The following CACNA2D3 variants were observed in gnomAD, a reference collection of about 807,000 sequenced individuals.
The protein encoded by CACNA2D3 is voltage-dependent calcium channel subunit alpha-2/delta-3.
CACNA2D3 carries 60 observed loss-of-function variants against 160.6 expected under a neutral mutation model. That is an observed-to-expected ratio of 0.37 (90% CI 0.30 to 0.46). The LOEUF (loss-of-function observed/expected upper bound fraction) is 0.46. Ranked by LOEUF, CACNA2D3 falls within the 20% of genes least tolerant of loss-of-function variation. The pLI, the probability that CACNA2D3 is intolerant of heterozygous loss-of-function variation, is 1.00. For missense variants in CACNA2D3, 1,205 were observed against 1,365.0 expected, an observed-to-expected ratio of 0.88 and a Z score of 1.85; for synonymous variants, 558 against 492.9, an observed-to-expected ratio of 1.13 and a Z score of -1.75.
chr3:54,527,116 A>G (rs1701735775), intron 5 of CACNA2D3, among the ~76,000 whole-genome samples: 1 of 152,208 alleles, frequency 6.6e-6, no homozygotes, highest in African/African-American at 2.4e-5. Flanking sequence ...CAAGGCCAGT[A>G]TTTGAGATAT....
intron 2 of CACNA2D3, among the ~76,000 whole-genome samples, chr3:54,302,191 C>CT (rs1188852703): frequency 1.3e-5 from 2 of 152,150 alleles, no homozygotes; most frequent in African/African-American, 4.8e-5. Context: ...CTGGTAAAAT[C>CT]TTTCAGTCAA....
intron 34 of CACNA2D3, among the ~76,000 whole-genome samples, chr3:55,013,313 G>C (rs1194624568): frequency 6.6e-6 from 1 of 152,204 alleles, no homozygotes; most frequent in Non-Finnish European, 1.5e-5. Context: ...CTCAGCTAAT[G>C]ACGACAGCGA....
At chr3:54,469,325 T>C (rs543645742) in intron 4 of CACNA2D3, among the ~76,000 whole-genome samples, 11,488 of 152,174 alleles carry the variant, frequency 0.075, 943 homozygotes, top group African/African-American at 0.2. Context: ...AGCAGACCTT[T>C]TGCAGAGGGA....
At chr3:54,480,123 C>G (rs1289570050) in intron 4 of CACNA2D3, among the ~76,000 whole-genome samples, 1 of 152,012 alleles carries the variant, frequency 6.6e-6, no homozygotes, top group Non-Finnish European at 1.5e-5. Flanking sequence ...GCAGGAGGCT[C>G]AATTGAGCCC....
At chr3:55,015,770 G>C (rs549591731) in intron 34 of CACNA2D3, among the ~76,000 whole-genome samples, 1 of 152,046 alleles carries the variant, frequency 6.6e-6, no homozygotes, top group Non-Finnish European at 1.5e-5. Context: ...GGAGAGGAGA[G>C]CAAATGAGAG....
rs563159132 is a variant in CACNA2D3 at position 54,247,834 on chromosome 3, A to T, written c.205-72608A>T. ...TGACCCACAATGCCCAACACCCAAGACATACTCCAGTCTTGTCTCATATCT... is the reference window on the plus strand; with the variant it reads ...TGACCCACAATGCCCAACACCCAAGTCATACTCCAGTCTTGTCTCATATCT... On this transcript the variant is annotated intron_variant, in intron 2 of 37. Coordinates refer to ENST00000474759, the MANE Select transcript of CACNA2D3 (RefSeq NM_018398.3). Among the ~76,000 whole-genome samples, 2 of 151,160 alleles carry T rather than the reference A, an allele frequency of 1.3e-5. 1 individual carries two copies. Among genetic ancestry groups the T allele is most frequent in the South Asian group, 4.2e-4 (2 of 4,806 alleles).
At chr3:54,259,014 G>C (rs1702353861) in intron 2 of CACNA2D3, among the ~76,000 whole-genome samples, 1 of 152,256 alleles carries the variant, frequency 6.6e-6, no homozygotes. Context: ...CCCATTTTCT[G>C]GTTTCTTTGG....
chr3:54,983,104 A>G (rs1448969131), intron 29 of CACNA2D3, among the ~76,000 whole-genome samples: 1 of 152,200 alleles, frequency 6.6e-6, no homozygotes, highest in Non-Finnish European at 1.5e-5. Flanking sequence ...CAGATCAGCA[A>G]GGATACAGAG....
chr3:54,926,212 T>C (rs1701012690), intron 27 of CACNA2D3, among the ~76,000 whole-genome samples: 1 of 152,188 alleles, frequency 6.6e-6, no homozygotes, highest in Non-Finnish European at 1.5e-5. Context: ...ATAGCATGCA[T>C]TTTGAGCCAC....
intron 5 of CACNA2D3, among the ~76,000 whole-genome samples, chr3:54,522,933 T>TTACTTACTTACTTACTTACTTAC (rs1559503842): frequency 7.4e-6 from 1 of 135,344 alleles, no homozygotes; most frequent in African/African-American, 2.8e-5. Context: ...TATTTATTTA[T>TTACTTACTTACTTACTTACTTAC]TTACTTACTT....
At chr3:54,900,379 T>A (rs371201581) in intron 27 of CACNA2D3, among the ~76,000 whole-genome samples, 4 of 152,226 alleles carry the variant, frequency 2.6e-5, no homozygotes, top group Middle Eastern at 3.2e-3. Context: ...AAATATTATA[T>A]GACTGAGAGT....
intron 4 of CACNA2D3, among the ~76,000 whole-genome samples, chr3:54,434,731 C>CA (rs953659150): frequency 2.6e-5 from 4 of 152,230 alleles, no homozygotes; most frequent in Admixed American, 1.3e-4. Context: ...AGACCATTCT[C>CA]AGAGTTGAGG....
At chr3:54,745,224 G>T (rs1701732233) in intron 11 of CACNA2D3, among the ~76,000 whole-genome samples, 1 of 152,192 alleles carries the variant, frequency 6.6e-6, no homozygotes, top group African/African-American at 2.4e-5. Flanking sequence ...AAGAGGGAAA[G>T]CAGGCCAACC....
At chr3:54,547,019 G>GT (rs1464724690) in intron 5 of CACNA2D3, among the ~76,000 whole-genome samples, 3 of 152,168 alleles carry the variant, frequency 2.0e-5, no homozygotes, top group African/African-American at 7.2e-5. Flanking sequence ...CCACTCAGGA[G>GT]TTAGCAGTTA....
At chr3:54,691,616 ACT>A (rs1457730207) in intron 11 of CACNA2D3, among the ~76,000 whole-genome samples, 1 of 152,050 alleles carries the variant, frequency 6.6e-6, no homozygotes, top group African/African-American at 2.4e-5. Context: ...TAATTATAAT[ACT>A]CTCTAATTCA....
chr3:54,805,546 TG>T (rs1173109021), intron 13 of CACNA2D3, among the ~76,000 whole-genome samples: 1 of 152,170 alleles, frequency 6.6e-6, no homozygotes, highest in Admixed American at 6.5e-5. Flanking sequence ...GCTCTGAAAT[TG>T]TGGCAATAAT....
intron 17 of CACNA2D3, among the ~76,000 whole-genome samples, chr3:54,864,892 T>C (rs1880824): frequency 0.7 from 105,893 of 152,074 alleles, 37,233 homozygotes; most frequent in Admixed American, 0.77. Context: ...CCACGTGACC[T>C]GCCTTTCCTG....
chr3:54,858,652 T>C (rs1699220667), intron 17 of CACNA2D3, among the ~76,000 whole-genome samples: 1 of 152,150 alleles, frequency 6.6e-6, no homozygotes, highest in Non-Finnish European at 1.5e-5. Flanking sequence ...ACTGGGCTGC[T>C]TAAGTGATGT....
At chr3:54,857,006 C>A (rs1699186140) in intron 17 of CACNA2D3, among the ~76,000 whole-genome samples, 1 of 152,160 alleles carries the variant, frequency 6.6e-6, no homozygotes, top group African/African-American at 2.4e-5. Context: ...GTCTCAAACT[C>A]CTGAGCTCAG....
Sources: allele counts gnomAD v4.1 joint callset (sites outside exome capture counted in the v4.1 genomes callset), GRCh38; gene constraint gnomAD v4.1.1; transcripts MANE v1.5; gene names NCBI Gene and HGNC (gene_info 2026-07-23, HGNC 2026-07-21).